The following TTLL10 variants were observed in gnomAD, a reference collection of about 807,000 sequenced individuals.
The protein encoded by TTLL10 is inactive polyglycylase TTLL10.
TTLL10 carries 61 observed loss-of-function variants against 69.0 expected under a neutral mutation model. The ratio of observed to expected loss-of-function variants is 0.88; its 90% CI spans 0.72 to 1.09. TTLL10 has a LOEUF of 1.09. Among genes scored for constraint, TTLL10 ranks in the 50% least tolerant of loss-of-function variants. TTLL10 has a pLI of 0.00. For synonymous variants in TTLL10, 408 were observed against 393.3 expected, an observed-to-expected ratio of 1.04 and a Z score of -0.44; for missense variants, 962 against 945.9, an observed-to-expected ratio of 1.02 and a Z score of -0.22.
At chr1:1,175,710 C>A (rs1330763499) in intron 3 of TTLL10, 2 of 457,094 alleles carry the variant, frequency 4.4e-6, no homozygotes, top group African/African-American at 2.0e-5. Flanking sequence ...TTTGCAGCAA[C>A]CCTGCGAGGC....
intron 13 of TTLL10, among the ~76,000 whole-genome samples, chr1:1,194,086 G>T (rs1051428695): frequency 6.6e-6 from 1 of 152,178 alleles, no homozygotes; most frequent in African/African-American, 2.4e-5. Context: ...AGCCCAGGAG[G>T]TCAAGGCTGC....
chr1:1,184,711 G>GAC (rs1647200677), intron 12 of TTLL10, among the ~76,000 whole-genome samples: 2 of 141,262 alleles, frequency 1.4e-5, no homozygotes, highest in Non-Finnish European at 3.0e-5. Context: ...CAGGCCCTCC[G>GAC]GACAGTCTGG....
rs188084222 is a variant in TTLL10, at chr1:1,196,416, T to C, written c.1402-184T>C. The C allele has an allele frequency of 5.1e-6, 3 of 593,372 alleles. No individual in the cohort carries two copies. The African/African-American group carries it at 5.5e-5, about 11-fold the overall frequency. The allele number at this position is 593,372 out of a possible 1,614,324, so 36.8% of individuals were successfully genotyped here. The stretch of plus-strand genomic sequence containing the variant: ...GACACAGGACAGGAGCTGCACGAGT[T>C]TGTTGAGTGAGTTTCTGGCTGTGAA... On this transcript the variant is annotated intron_variant, in intron 13 of 15. Coordinates refer to ENST00000379289, the MANE Select transcript of TTLL10 (RefSeq NM_001130045.2).
chr1:1,197,612 C>A lies in TTLL10; in HGVS notation c.1787C>A (p.Ser596Tyr), dbSNP rs896090462. The A allele has an allele frequency of 3.3e-6, 5 of 1,514,736 alleles. No homozygotes were observed. The African/African-American group carries it at 7.1e-5, about 21-fold the overall frequency. 93.8% of individuals were successfully genotyped at this position (1,514,736 alleles called of 1,614,324 possible). A position where few individuals can be genotyped will look rare whatever the true frequency, so the allele number is the denominator to read the frequency against. ...CTGCCCACCCGCCAGGCCAAGTCCTCCGGGCCACCCATGCCGCATGCCCCA... is the reference window on the plus strand; with the variant it reads ...CTGCCCACCCGCCAGGCCAAGTCCTACGGGCCACCCATGCCGCATGCCCCA... ...PPLPTRQAKS[S>Y]GPPMPHAPDQ... Residue 596 changes from serine (S) to tyrosine (Y), a missense_variant, in exon 16 of 16, where the codon TCC becomes TAC. Physicochemically the swap from Ser to Tyr is moderately radical, Grantham distance 144. Coordinates refer to ENST00000379289, the MANE Select transcript of TTLL10 (RefSeq NM_001130045.2).
chr1:1,196,627 T>C lies in TTLL10; in HGVS notation c.1429T>C (p.Cys477Arg), dbSNP rs1373790626. The C allele has an allele frequency of 1.3e-6, 2 of 1,551,662 alleles. No homozygotes were observed. The highest frequency in any genetic ancestry group is 3.9e-5 in the Admixed American group (2 of 50,978). ...GCGGATGCAGCAGATCATGGCCCAC[T>C]GCTTTCTGGCCGCCAAGCCCAAGCT... ...KKRMQQIMAH[C>R]FLAAKPKLDC... is the part of the protein sequence containing the mutation. Residue 477 changes from cysteine (C) to arginine (R), a missense_variant, in exon 14 of 16, where the codon TGC (cysteine) becomes CGC (arginine). Coordinates refer to ENST00000379289, the MANE Select transcript of TTLL10 (RefSeq NM_001130045.2).
chr1:1,183,878 G>A (rs1157597857), intron 11 of TTLL10, 42 bp from the exon 12 acceptor site: 4 of 1,611,018 alleles, frequency 2.5e-6, no homozygotes, highest in Non-Finnish European at 3.4e-6. Context: ...GGCCAGGCTG[G>A]CCCCGTGGCT....
Position 1,185,983 on chromosome 1 carries a change from C to T in TTLL10, c.1401+874C>T, listed in dbSNP as rs1443887583. 6.2e-6 allele frequency: 2 copies of T among 321,470 alleles called. No homozygotes were observed. The highest frequency in any genetic ancestry group is 4.5e-6 in the Non-Finnish European group (1 of 223,396). The allele number at this position is 321,470 out of a possible 1,614,324, so 19.9% of individuals were successfully genotyped here. ...TAACGAGCCATCACAGCTACATTGC[C>T]GGCCATTCCTGGTCACCGCTGATGG... On this transcript the variant is annotated intron_variant, in intron 13 of 15. Transcript: ENST00000379289. The surrounding 1 kb of genome is among the most constrained non-coding windows in gnomAD (Gnocchi z 6.1).
In TTLL10 at chr1:1,197,792, C is replaced by T. The variant is rs1052730717; in HGVS notation, c.1967C>T (p.Pro656Leu). The change falls in exon 16 of 16, where the codon CCT becomes CTT. Residue 656 changes from proline to leucine, a missense_variant. Physicochemically the swap from Pro to Leu is moderately conservative, Grantham distance 98. Transcript: ENST00000379289. The part of the protein sequence containing the change: ...GTGNRHPAQE[P>L]SPGTAKEERE... ...GGCAACAGGCACCCGGCGCAAGAGC[C>T]TTCCCCGGGGACAGCCAAGGAGGAA... 3.9e-6 allele frequency: 6 copies of T among 1,530,002 alleles called. No individual in the cohort carries two copies. The East Asian group carries it at 7.6e-5, about 19-fold the overall frequency. 94.8% of individuals were successfully genotyped at this position (1,530,002 alleles called of 1,614,324 possible). A position where few individuals can be genotyped will look rare whatever the true frequency, so the allele number is the denominator to read the frequency against.
At chr1:1,184,556 G>A (rs1043307379) in intron 12 of TTLL10, among the ~76,000 whole-genome samples, 1 of 152,240 alleles carries the variant, frequency 6.6e-6, no homozygotes, top group Admixed American at 6.5e-5. Context: ...GGGGGTCTCA[G>A]CGGATGAAGG....
chr1:1,184,272 C>T (rs1157908457), intron 12 of TTLL10, among the ~76,000 whole-genome samples, 181 bp downstream of exon 12: 1 of 152,248 alleles, frequency 6.6e-6, no homozygotes, highest in Non-Finnish European at 1.5e-5. Flanking sequence ...TGCCTCTCAC[C>T]TCCCGCTTTT....
chr1:1,180,681 G>A (rs1344579888), intron 7 of TTLL10, 50 bp from the exon 8 acceptor site: 2 of 1,570,926 alleles, frequency 1.3e-6, no homozygotes, highest in Non-Finnish European at 1.7e-6. Flanking sequence ...GAGGGGTGGG[G>A]ACCGAGGTCC....
At chr1:1,183,368 G>A (rs1010882764) in intron 11 of TTLL10, among the ~76,000 whole-genome samples, 93 of 152,316 alleles carry the variant, frequency 6.1e-4, no homozygotes, top group African/African-American at 2.1e-3. Context: ...CCAGCCAGCT[G>A]CAGCCTTCAG....
chr1:1,185,684 C>T lies in TTLL10; in HGVS notation c.1401+575C>T. The T allele has an allele frequency of 6.1e-6, 6 of 985,588 alleles. No homozygotes were observed. Among genetic ancestry groups the T allele is most frequent in the Non-Finnish European group, 7.2e-6 (6 of 830,048 alleles). 61.1% of individuals were successfully genotyped at this position (985,588 alleles called of 1,614,324 possible). ...GCTTGGCCGAAGGACTTTTATCTGT[C>T]TTGGTCACCCCGGCCAGGCCCCGGA... is the stretch of plus-strand genomic sequence containing the variant. On this transcript the variant is annotated intron_variant, in intron 13 of 15. Coordinates refer to ENST00000379289, the MANE Select transcript of TTLL10 (RefSeq NM_001130045.2). The surrounding 1 kb of genome is among the most constrained non-coding windows in gnomAD (Gnocchi z 6.1).
intron 13 of TTLL10, among the ~76,000 whole-genome samples, chr1:1,187,853 G>A (rs1647459695): frequency 1.3e-5 from 2 of 151,656 alleles, no homozygotes; most frequent in South Asian, 4.2e-4. Context: ...TGCAGTGAGT[G>A]GAGATCGCAC....
At position 1,185,104 on chromosome 1, in the gene TTLL10, C is replaced by T; in HGVS notation, c.1396C>T (p.Leu466Phe). ...GLAKDWVFTTLKKRMQQIMAH... is the reference protein window; with the variant it reads ...GLAKDWVFTTFKKRMQQIMAH... ...CGCCAAGGACTGGGTCTTCACCACC[C>T]TCAAGGTGCGTCCACTGTGCCCTCC... The change falls in exon 13 of 16, where the codon CTC (leucine) becomes TTC (phenylalanine). Residue 466 changes from leucine to phenylalanine, a missense_variant. Transcript: ENST00000379289. The surrounding 1 kb of genome is among the most constrained non-coding windows in gnomAD (Gnocchi z 6.1). 4.3e-6 allele frequency: 7 copies of T among 1,613,576 alleles called. No homozygotes were observed. The highest frequency in any genetic ancestry group is 5.9e-6 in the Non-Finnish European group (7 of 1,179,776).
chr1:1,176,904 G>A (rs1488795608), intron 3 of TTLL10, among the ~76,000 whole-genome samples: 2 of 152,178 alleles, frequency 1.3e-5, no homozygotes, highest in African/African-American at 4.8e-5. Context: ...AAAAGCACGC[G>A]GCTCTCTGAG....
At chr1:1,192,127 G>A (rs12021582) in intron 13 of TTLL10, among the ~76,000 whole-genome samples, 20,401 of 152,168 alleles carry the variant, frequency 0.13, 2,487 homozygotes, top group East Asian at 0.58. Flanking sequence ...AGGTCTGTTT[G>A]GTTTATAATG....
Position 1,182,899 on chromosome 1 carries a change from C to G in TTLL10, c.940C>G (p.Pro314Ala). Residue 314 changes from proline to alanine, a missense_variant, in exon 11 of 16, where the codon CCC (proline) becomes GCC (alanine). By Grantham distance (27) the Pro-to-Ala change is conservative (BLOSUM62 -1). Coordinates refer to ENST00000379289, the MANE Select transcript of TTLL10 (RefSeq NM_001130045.2). ...AGAAACCCAGATATGGATCTGCAAGCCCACAGCCTCCAACCAGGGCAAAGG... is the reference window on the plus strand; with the variant it reads ...AGAAACCCAGATATGGATCTGCAAGGCCACAGCCTCCAACCAGGGCAAAGG... ...FDETQIWICK[P>A]TASNQGKGIF... 1 of 1,590,792 alleles carries G rather than the reference C, an allele frequency of 6.3e-7. No homozygotes were observed. The highest frequency in any genetic ancestry group is 8.6e-7 in the Non-Finnish European group (1 of 1,168,578).
At chr1:1,195,277 C>G (rs1417822809) in intron 13 of TTLL10, among the ~76,000 whole-genome samples, 1 of 152,154 alleles carries the variant, frequency 6.6e-6, no homozygotes, top group East Asian at 1.9e-4. Flanking sequence ...AGGTGTGAAG[C>G]CACTGCACCC....
Sources: allele counts gnomAD v4.1 joint callset (sites outside exome capture counted in the v4.1 genomes callset), GRCh38; gene constraint gnomAD v4.1.1; non-coding constraint Gnocchi (gnomAD v3.1); transcripts MANE v1.5; gene names NCBI Gene and HGNC (gene_info 2026-07-23, HGNC 2026-07-21).